MARF1: variants seen among roughly 807,000 people sequenced by gnomAD.
MARF1 encodes the protein limkain-b1.
Under a neutral mutation model 168.2 loss-of-function variants are expected in MARF1, and 24 were observed. The ratio of observed to expected loss-of-function variants is 0.14; its 90% CI spans 0.10 to 0.20. The LOEUF (loss-of-function observed/expected upper bound fraction) is 0.20. MARF1 is among the 10% of genes least tolerant of loss of function. MARF1 has a pLI of 1.00. For missense variants in MARF1, 1,744 were observed against 2,143.6 expected (o/e 0.81, Z 3.68); for synonymous variants, 868 against 822.4 (o/e 1.06, Z -0.95).
At chr16:15,614,595 C>G (rs558293791) in intron 16 of MARF1, among the ~76,000 whole-genome samples, 44 of 146,024 alleles carry the variant, frequency 3.0e-4, no homozygotes, top group African/African-American at 1.1e-3. Flanking sequence ...ACCATCCTGG[C>G]TAACAAGGTG....
At chr16:15,605,420 G>A (rs1353090159) in intron 21 of MARF1, among the ~76,000 whole-genome samples, 1 of 152,116 alleles carries the variant, frequency 6.6e-6, no homozygotes, top group Non-Finnish European at 1.5e-5. Flanking sequence ...CAGAGCCAAG[G>A]CAGGAGGGAG....
chr16:15,638,493 G>A (rs2151318935), intron 2 of MARF1, among the ~76,000 whole-genome samples: 2 of 152,148 alleles, frequency 1.3e-5, no homozygotes, highest in East Asian at 3.9e-4. Context: ...GGCTGAGGCA[G>A]GAGAACTGCT....
At position 15,609,663 on chromosome 16, in the gene MARF1, G is replaced by A. The variant is rs768974632; in HGVS notation, c.3814C>T (p.Arg1272Cys). 4.3e-6 allele frequency: 7 copies of A among 1,614,102 alleles called. No individual in the cohort carries two copies. Among genetic ancestry groups the A allele is most frequent in the South Asian group, 2.2e-5 (2 of 91,082 alleles). The change falls in exon 20 of 27, where the codon CGT becomes TGT. Residue 1272 changes from arginine (R) to cysteine (C), a missense_variant. By Grantham distance (180) the Arg-to-Cys change is radical. Transcript: ENST00000396368. ...QFSKDVVDLL[R>C]HQPHFRMPFN... ...GGCATCCGGAAATGGGGTTGGTGACGCAGCAAATCAACGACATCCTTGGAG... is the reference window on the plus strand; with the variant it reads ...GGCATCCGGAAATGGGGTTGGTGACACAGCAAATCAACGACATCCTTGGAG...
At chr16:15,642,377 A>C (rs2151355307) in intron 1 of MARF1, 1 of 152,384 alleles carries the variant, frequency 6.6e-6, no homozygotes, top group Non-Finnish European at 1.5e-5. Flanking sequence ...TTAATAAATA[A>C]CTGTTGAACG....
At chr16:15,601,728 T>C in intron 23 of MARF1, 2 of 552,668 alleles carry the variant, frequency 3.6e-6, no homozygotes, top group Admixed American at 6.2e-5. Flanking sequence ...TTGGGGGTCT[T>C]GACTCTCCCA....
intron 16 of MARF1, among the ~76,000 whole-genome samples, chr16:15,614,688 G>A (rs1420578730): frequency 6.6e-6 from 1 of 151,558 alleles, no homozygotes; most frequent in African/African-American, 2.4e-5. Context: ...AGCTCCTCAG[G>A]AGACTGAGGC....
In MARF1 at chr16:15,624,791, C is replaced by A. The variant is rs370385036; in HGVS notation, c.2248G>T (p.Ala750Ser). 4 of 1,614,084 alleles carry A rather than the reference C, an allele frequency of 2.5e-6. No individual in the cohort carries two copies. Among genetic ancestry groups the A allele is most frequent in the Admixed American group, 1.7e-5 (1 of 60,020 alleles). ...CACCTAGAAGACCAAGACTGAGATG[C>A]GAGCAGAGGACTGACTTGCCTGGAT... The part of the protein sequence containing the change: ...VASRQVSPLL[A>S]SQSWSSRSMS... Residue 750 changes from alanine (A) to serine (S), a missense_variant, in exon 10 of 27, where the codon GCA (alanine) becomes TCA (serine). Physicochemically the swap from Ala to Ser is moderately conservative, Grantham distance 99. Coordinates refer to ENST00000396368, the MANE Select transcript of MARF1 (RefSeq NM_014647.4).
At chr16:15,613,882 C>T (rs2033808634) in intron 16 of MARF1, among the ~76,000 whole-genome samples, 1 of 151,876 alleles carries the variant, frequency 6.6e-6, no homozygotes, top group Non-Finnish European at 1.5e-5. Context: ...TTATCCTCAC[C>T]TTTTTTCCTG....
chr16:15,617,591 A>C lies in MARF1; in HGVS notation c.2721-56T>G. 6.2e-6 allele frequency: 7 copies of C among 1,127,256 alleles called. 1 individual carries two copies. In the South Asian group the frequency reaches 9.5e-5, roughly 15 times the overall value. The allele number at this position is 1,127,256 out of a possible 1,614,324, so 69.8% of individuals were successfully genotyped here. A position where few individuals can be genotyped will look rare whatever the true frequency, so the allele number is the denominator to read the frequency against. On this transcript the variant is annotated intron_variant, in intron 13 of 26. Transcript: ENST00000396368. ...AGAAGGTTTTTCTTTGATTATACAG[A>C]AACACGCATCCTGTTTAAATAAAGA... is the stretch of plus-strand genomic sequence containing the variant.
In MARF1 at chr16:15,643,112, TCCCGCC is replaced by T. The variant is rs1263789766; in HGVS notation, c.-159_-154del. The T allele has an allele frequency of 4.7e-6, 1 of 213,064 alleles. No homozygotes were observed. The highest frequency in any genetic ancestry group is 8.9e-6 in the Non-Finnish European group (1 of 112,114). 13.2% of individuals were successfully genotyped at this position (213,064 alleles called of 1,614,324 possible). A position where few individuals can be genotyped will look rare whatever the true frequency, so the allele number is the denominator to read the frequency against. ...TTGTTTTGATTCCCGACTCCGCAGC[TCCCGCC>T]GCCGCCGCCAAGCGCACCCTTCACT... On this transcript the variant is annotated 5_prime_UTR_variant, in exon 1 of 27. Transcript: ENST00000396368.
intron 2 of MARF1, among the ~76,000 whole-genome samples, 188 bp from the exon 3 acceptor site, chr16:15,636,530 G>A (rs2035610126): frequency 1.3e-5 from 2 of 152,290 alleles, no homozygotes; most frequent in Middle Eastern, 6.8e-3. Flanking sequence ...TGCAGGACAT[G>A]AACACTGGAA....
intron 21 of MARF1, 23 bp downstream of exon 21, chr16:15,608,268 A>G (rs1300092211): frequency 1.5e-6 from 2 of 1,370,366 alleles, no homozygotes; most frequent in Non-Finnish European, 2.0e-6. Context: ...GGGAAAAAAA[A>G]AAAAAAAAAA....
chr16:15,633,142 T>C (rs2035356417), intron 5 of MARF1, among the ~76,000 whole-genome samples: 1 of 149,102 alleles, frequency 6.7e-6, no homozygotes, highest in Non-Finnish European at 1.5e-5. Context: ...ATTAAACAAA[T>C]TTTCAATCAG....
intron 1 of MARF1, among the ~76,000 whole-genome samples, chr16:15,641,732 T>C (rs149223462): frequency 2.0e-5 from 3 of 152,208 alleles, no homozygotes; most frequent in African/African-American, 7.2e-5. Context: ...TAATGAAGTT[T>C]TGTAGCGAGC....
chr16:15,639,487 G>T (rs543387212), intron 1 of MARF1, among the ~76,000 whole-genome samples, 196 bp from the exon 2 acceptor site: 1 of 152,108 alleles, frequency 6.6e-6, no homozygotes. Context: ...TGCAACCTCC[G>T]TCTCCCGGGT....
At chr16:15,628,611 A>G (rs2035035040) in intron 7 of MARF1, among the ~76,000 whole-genome samples, 1 of 151,984 alleles carries the variant, frequency 6.6e-6, no homozygotes, top group Non-Finnish European at 1.5e-5. Context: ...GTTTCGCCAC[A>G]TCGGCCAGGC....
intron 11 of MARF1, among the ~76,000 whole-genome samples, chr16:15,622,447 A>C (rs374777503): frequency 6.6e-6 from 1 of 151,378 alleles, no homozygotes; most frequent in East Asian, 1.9e-4. Context: ...GCCAGAGAGC[A>C]GTGGCGTCAT....
intron 26 of MARF1, among the ~76,000 whole-genome samples, chr16:15,597,986 C>A (rs546290419): frequency 3.9e-5 from 6 of 152,140 alleles, no homozygotes; most frequent in Non-Finnish European, 8.8e-5. Flanking sequence ...CCAAGAACAA[C>A]CAAGATGGTA....
chr16:15,604,419 C>T, intron 21 of MARF1, 21 bp from the exon 22 acceptor site: 1 of 1,569,576 alleles, frequency 6.4e-7, no homozygotes, highest in South Asian at 1.1e-5. Context: ...CGAGAATTCA[C>T]ACTTTTCAGA....
Sources: gnomAD v4.1 joint callset for allele counts (sites outside exome capture counted in the v4.1 genomes callset) on GRCh38, gnomAD v4.1.1 for gene constraint, MANE v1.5 for transcripts, NCBI Gene and HGNC (gene_info 2026-07-23, HGNC 2026-07-21) for gene names.